The following ZNF565 variants were observed in gnomAD, a reference collection of about 807,000 sequenced individuals.
The protein encoded by ZNF565 is zinc finger protein 565.
In ZNF565, 27 loss-of-function variants were observed where a neutral mutation model predicts 39.4. The ratio of observed to expected loss-of-function variants is 0.69; its 90% CI spans 0.51 to 0.95. The LOEUF is 0.95. Ranked by LOEUF, ZNF565 falls within the 40% of genes least tolerant of loss-of-function variation. ZNF565 has a pLI of 0.00. For missense variants in ZNF565, 524 were observed against 621.1 expected, an observed-to-expected ratio of 0.84 and a Z score of 1.66; for synonymous variants, 185 against 216.6, an observed-to-expected ratio of 0.85 and a Z score of 1.28.
intron 2 of ZNF565, among the ~76,000 whole-genome samples, chr19:36,197,054 TAA>T (rs111586132): frequency 3.6e-5 from 5 of 140,100 alleles, no homozygotes; most frequent in Admixed American, 1.4e-4. Flanking sequence ...AAACTCTGTT[TAA>T]AAAAAAAAAA....
intron 2 of ZNF565, among the ~76,000 whole-genome samples, chr19:36,200,879 G>A (rs529004312): frequency 4.6e-5 from 7 of 151,980 alleles, no homozygotes; most frequent in African/African-American, 1.7e-4. Context: ...CGGCCTCCTA[G>A]GTTAAAGTGA....
At chr19:36,194,956 T>C (rs780034979) in intron 3 of ZNF565, 74 bp downstream of exon 3, 2 of 1,608,130 alleles carry the variant, frequency 1.2e-6, no homozygotes, top group East Asian at 2.2e-5. Flanking sequence ...TAGGCAGAGA[T>C]GGAAACTGCA....
chr19:36,209,426 T>C (rs1976272047), intron 1 of ZNF565, among the ~76,000 whole-genome samples: 1 of 151,122 alleles, frequency 6.6e-6, no homozygotes, highest in East Asian at 1.9e-4. Flanking sequence ...ACCCGAGAGG[T>C]GGAGGTTGCT....
chr19:36,225,144 T>C (rs1162456658), intron 1 of ZNF565, among the ~76,000 whole-genome samples: 1 of 152,162 alleles, frequency 6.6e-6, no homozygotes, highest in Non-Finnish European at 1.5e-5. Context: ...AGATACAGAT[T>C]ATGATTATAT....
downstream of ZNF565, chr19:36,182,263 C>T: frequency 2.3e-6 from 1 of 436,376 alleles, no homozygotes; most frequent in Non-Finnish European, 4.0e-6. Context: ...CATAGATTAT[C>T]TGATGCTTAG....
chr19:36,229,681 G>GT (rs764161984), intron 1 of ZNF565, among the ~76,000 whole-genome samples: 1 of 152,038 alleles, frequency 6.6e-6, no homozygotes, highest in Non-Finnish European at 1.5e-5. Context: ...ATGTACATAA[G>GT]TTTTTTTCTT....
intron 1 of ZNF565, among the ~76,000 whole-genome samples, chr19:36,233,766 C>G (rs1367562774): frequency 6.6e-6 from 1 of 152,188 alleles, no homozygotes; most frequent in Non-Finnish European, 1.5e-5. Context: ...GGCGGTTTTC[C>G]CCTATCTCAG....
At chr19:36,244,911 C>A (rs2029882455) in intron 1 of ZNF565, among the ~76,000 whole-genome samples, 1 of 149,676 alleles carries the variant, frequency 6.7e-6, no homozygotes, top group Non-Finnish European at 1.5e-5. Context: ...GTGTCTTTTT[C>A]ATCCACTGTG....
intron 2 of ZNF565, among the ~76,000 whole-genome samples, chr19:36,196,025 C>T (rs1213266981): frequency 6.6e-6 from 1 of 151,756 alleles, no homozygotes; most frequent in Non-Finnish European, 1.5e-5. Flanking sequence ...CAACCTCTTC[C>T]TCCTGGGTTC....
intron 1 of ZNF565, among the ~76,000 whole-genome samples, chr19:36,222,115 G>A (rs776513805): frequency 6.6e-6 from 1 of 151,806 alleles, no homozygotes; most frequent in Non-Finnish European, 1.5e-5. Context: ...TTGTAGAGAT[G>A]AGGTCTCACT....
At chr19:36,211,708 G>A (rs944444341) in intron 1 of ZNF565, among the ~76,000 whole-genome samples, 3 of 151,780 alleles carry the variant, frequency 2.0e-5, no homozygotes, top group Non-Finnish European at 4.4e-5. Context: ...CAGGAGAATC[G>A]CATGAACCAG....
Position 36,183,140 on chromosome 19 carries a change from C to A in ZNF565, c.826G>T (p.Glu276Ter), listed in dbSNP as rs775971742. 2.5e-6 allele frequency: 4 copies of A among 1,614,150 alleles called. No homozygotes were observed. The highest frequency in any genetic ancestry group is 3.4e-6 in the Non-Finnish European group (4 of 1,180,034). Residue 276 changes from glutamate to a stop codon, truncating the protein, a stop_gained, in exon 5 of 5, where the codon GAG (glutamate) becomes TAG (stop). Coordinates refer to ENST00000304116, the MANE Select transcript of ZNF565 (RefSeq NM_152477.5). LOFTEE classifies it high-confidence loss of function. Reference protein sequence around the residue: ...LILHQRTHTGEKPYVCKDCGK... With the variant: ...LILHQRTHTG ...CAGTCTTTACATACGTAGGGTTTCTCGCCTGTGTGAGTTCTTTGATGCAGA... is the reference window on the plus strand; with the variant it reads ...CAGTCTTTACATACGTAGGGTTTCTAGCCTGTGTGAGTTCTTTGATGCAGA...
At chr19:36,202,410 A>AC (rs1568419710) in intron 1 of ZNF565, among the ~76,000 whole-genome samples, 38 of 152,198 alleles carry the variant, frequency 2.5e-4, no homozygotes, top group African/African-American at 9.1e-4. Flanking sequence ...CAACAACAAA[A>AC]AAAAACTGCA....
chr19:36,230,688 G>GA (rs1734174943), intron 1 of ZNF565, among the ~76,000 whole-genome samples: 1 of 152,204 alleles, frequency 6.6e-6, no homozygotes, highest in Non-Finnish European at 1.5e-5. Context: ...GGCTGGAAGA[G>GA]AGAGGGCAAA....
chr19:36,232,385 C>G lies in ZNF565; in HGVS notation c.55+13091G>C, dbSNP rs1450964001. Among the ~76,000 whole-genome samples the G allele has an allele frequency of 2.6e-5, 4 of 151,950 alleles. No individual in the cohort carries two copies. The East Asian group carries it at 7.7e-4, about 29-fold the overall frequency. ...TCTGCCTTTTTTCCTCTTCCCTCTG[C>G]TTGTCCATTACTTCATATTTTCCAG... On this transcript the variant is annotated intron_variant, in intron 1 of 4. Coordinates refer to the ZNF565 transcript ENST00000355114.
intron 4 of ZNF565, among the ~76,000 whole-genome samples, chr19:36,185,119 GA>G (rs1014153562): frequency 5.9e-4 from 78 of 132,026 alleles, no homozygotes; most frequent in Middle Eastern, 4.4e-3. Flanking sequence ...GTCCATCTCA[GA>G]AAAAAAAAAA....
intron 3 of ZNF565, chr19:36,194,743 C>T (rs1975695186): frequency 5.6e-6 from 3 of 539,710 alleles, no homozygotes; most frequent in Non-Finnish European, 1.0e-5. Context: ...TGCCCTATGG[C>T]TTCTCATTGG....
At chr19:36,207,748 T>C (rs1422551417) in intron 1 of ZNF565, among the ~76,000 whole-genome samples, 1 of 152,154 alleles carries the variant, frequency 6.6e-6, no homozygotes, top group East Asian at 1.9e-4. Flanking sequence ...AAATCTCAGC[T>C]GAGGTGATGA....
intron 1 of ZNF565, among the ~76,000 whole-genome samples, chr19:36,214,197 G>T (rs1030304690): frequency 1.3e-5 from 2 of 151,202 alleles, no homozygotes; most frequent in African/African-American, 4.9e-5. Context: ...CACAAGCGGC[G>T]TCACCACACA....
Sources: allele counts gnomAD v4.1 joint callset (sites outside exome capture counted in the v4.1 genomes callset), GRCh38; gene constraint gnomAD v4.1.1; transcripts MANE v1.5; gene names NCBI Gene and HGNC (gene_info 2026-07-23, HGNC 2026-07-21).